RABGAP1L: variants seen among roughly 807,000 people sequenced by gnomAD.
The protein encoded by RABGAP1L is rab GTPase-activating protein 1-like.
Under a neutral mutation model 137.7 loss-of-function variants are expected in RABGAP1L, and 63 were observed. That is an observed-to-expected ratio of 0.46 (90% CI 0.37 to 0.56). RABGAP1L has a LOEUF of 0.56. Ranked by LOEUF, RABGAP1L falls within the 20% of genes least tolerant of loss-of-function variation. The probability of loss-of-function intolerance (pLI) is 0.00; values close to 1 mark genes in which losing one functional copy is unlikely to be tolerated. For synonymous variants in RABGAP1L, 431 were observed against 433.7 expected, an observed-to-expected ratio of 0.99 and a Z score of 0.08; for missense variants, 1,095 against 1,244.0, an observed-to-expected ratio of 0.88 and a Z score of 1.80.
Position 174,467,724 on chromosome 1 carries a change from G to A in RABGAP1L, c.1710+73579G>A, listed in dbSNP as rs550005257. Among the ~76,000 whole-genome samples the A allele has an allele frequency of 5.9e-5, 9 of 152,152 alleles. No individual in the cohort carries two copies. In the South Asian group the frequency reaches 1.7e-3, roughly 28 times the overall value. On this transcript the variant is annotated intron_variant, in intron 13 of 25. Transcript: ENST00000681986. Reference sequence around the variant, plus strand: ...GGTTATCACACTTCTACTAAGTGGCGGAATCTATAGAATTTGAATCCAGCT... The same window carrying A: ...GGTTATCACACTTCTACTAAGTGGCAGAATCTATAGAATTTGAATCCAGCT...
chr1:174,652,735 C>G (rs181848850), intron 14 of RABGAP1L, among the ~76,000 whole-genome samples: 1 of 152,282 alleles, frequency 6.6e-6, no homozygotes, highest in South Asian at 2.1e-4. Context: ...TGTCTGTCGA[C>G]CCCTGCTGGG....
intron 13 of RABGAP1L, among the ~76,000 whole-genome samples, chr1:174,589,672 CA>C (rs1669401852): frequency 6.6e-6 from 1 of 152,156 alleles, no homozygotes; most frequent in African/African-American, 2.4e-5. Context: ...CATTCTTCTG[CA>C]TATGGATTAT....
chr1:174,389,987 A>G (rs1171301894), intron 12 of RABGAP1L, among the ~76,000 whole-genome samples: 2 of 152,200 alleles, frequency 1.3e-5, no homozygotes, highest in African/African-American at 2.4e-5. Flanking sequence ...TATCAAAGCA[A>G]TGGCAATGTG....
chr1:174,432,103 T>C (rs1652706066), intron 13 of RABGAP1L, among the ~76,000 whole-genome samples: 1 of 152,150 alleles, frequency 6.6e-6, no homozygotes. Context: ...TAAGCCTTAC[T>C]TTCCTCTCTC....
chr1:174,956,359 T>TA (rs1412024816), intron 19 of RABGAP1L, among the ~76,000 whole-genome samples: 1 of 152,134 alleles, frequency 6.6e-6, no homozygotes, highest in Non-Finnish European at 1.5e-5. Context: ...CACTGTCCCC[T>TA]AAGAGAGGTT....
chr1:174,552,101 C>T (rs978821202), intron 13 of RABGAP1L, among the ~76,000 whole-genome samples: 1 of 152,206 alleles, frequency 6.6e-6, no homozygotes, highest in African/African-American at 2.4e-5. Flanking sequence ...TGTTTAACAA[C>T]ATTCATTTTA....
At chr1:174,515,113 A>G (rs1025736919) in intron 13 of RABGAP1L, among the ~76,000 whole-genome samples, 2 of 152,160 alleles carry the variant, frequency 1.3e-5, no homozygotes, top group African/African-American at 4.8e-5. Context: ...GCAATTTTCA[A>G]TGCGTTGTTA....
At chr1:174,728,006 A>T (rs1682134879) in intron 17 of RABGAP1L, among the ~76,000 whole-genome samples, 1 of 152,230 alleles carries the variant, frequency 6.6e-6, no homozygotes, top group Admixed American at 6.5e-5. Flanking sequence ...AAATTTTATT[A>T]GTCAGCAGTT....
At chr1:174,634,419 CT>C (rs1362241193) in intron 13 of RABGAP1L, among the ~76,000 whole-genome samples, 5 of 112,494 alleles carry the variant, frequency 4.4e-5, no homozygotes, top group African/African-American at 2.0e-4. Context: ...AATAGGAACA[CT>C]TTTACACTGT....
intron 18 of RABGAP1L, among the ~76,000 whole-genome samples, chr1:174,799,472 A>G (rs1688534252): frequency 1.3e-5 from 2 of 152,178 alleles, no homozygotes; most frequent in South Asian, 4.1e-4. Flanking sequence ...AGAGTGAATA[A>G]AGGTCAGCTG....
chr1:174,519,194 A>T (rs1044372021), intron 13 of RABGAP1L, among the ~76,000 whole-genome samples: 3 of 150,014 alleles, frequency 2.0e-5, no homozygotes, highest in Non-Finnish European at 4.4e-5. Context: ...AAATATATAT[A>T]TATACACACA....
chr1:174,617,360 G>T (rs1432321396), intron 13 of RABGAP1L, among the ~76,000 whole-genome samples: 1 of 152,178 alleles, frequency 6.6e-6, no homozygotes, highest in Non-Finnish European at 1.5e-5. Context: ...TATCAGGAAA[G>T]AAAGTTGTAA....
intron 13 of RABGAP1L, among the ~76,000 whole-genome samples, chr1:174,527,204 G>GTTTTTTTTTT: frequency 8.4e-6 from 1 of 119,656 alleles, no homozygotes; most frequent in Non-Finnish European, 1.7e-5. Flanking sequence ...TTTTTATTTT[G>GTTTTTTTTTT]TTTTTTTTTT....
At chr1:174,972,985 AAATT>A (rs1410817527) in intron 21 of RABGAP1L, among the ~76,000 whole-genome samples, 1 of 152,174 alleles carries the variant, frequency 6.6e-6, no homozygotes, top group Non-Finnish European at 1.5e-5. Flanking sequence ...ATTAACATTA[AAATT>A]AATTCCTACT....
chr1:174,699,432 C>T (rs969049710), intron 15 of RABGAP1L, 93 bp from the exon 16 acceptor site: 1 of 1,199,786 alleles, frequency 8.3e-7, no homozygotes, highest in African/African-American at 1.6e-5. Flanking sequence ...CCTTCAGCTA[C>T]TTATGCAGAG....
intron 19 of RABGAP1L, among the ~76,000 whole-genome samples, chr1:174,895,327 A>G (rs1243497320): frequency 6.6e-6 from 1 of 152,190 alleles, no homozygotes; most frequent in Non-Finnish European, 1.5e-5. Context: ...ATTCCCCTAG[A>G]TAATCTAGAA....
intron 1 of RABGAP1L, among the ~76,000 whole-genome samples, chr1:174,160,343 G>C (rs1425588429): frequency 2.0e-5 from 3 of 152,154 alleles, no homozygotes; most frequent in Non-Finnish European, 2.9e-5. Flanking sequence ...GACTGGGCTA[G>C]TACTTTGCAC....
In RABGAP1L at chr1:174,418,079, C is replaced by T. The variant is rs529998962; in HGVS notation, c.1710+23934C>T. On this transcript the variant is annotated intron_variant, in intron 13 of 25. Transcript: ENST00000681986. ...CTCTCCAGAGGTGAAATTTCAAATGCTGAGGCATGGCTGCACATATGCAGA... is the reference window on the plus strand; with the variant it reads ...CTCTCCAGAGGTGAAATTTCAAATGTTGAGGCATGGCTGCACATATGCAGA... Among the ~76,000 whole-genome samples the T allele has an allele frequency of 6.6e-5, 10 of 152,284 alleles. No homozygotes were observed. The East Asian group carries it at 7.7e-4, about 12-fold the overall frequency.
chr1:174,358,807 C>T (rs1683879543), intron 11 of RABGAP1L, among the ~76,000 whole-genome samples: 1 of 152,168 alleles, frequency 6.6e-6, no homozygotes, highest in Admixed American at 6.6e-5. Context: ...CCTCTCCCTT[C>T]ACTCATTCAG....
Sources: allele counts gnomAD v4.1 joint callset (sites outside exome capture counted in the v4.1 genomes callset), GRCh38; gene constraint gnomAD v4.1.1; transcripts MANE v1.5; gene names NCBI Gene and HGNC (gene_info 2026-07-23, HGNC 2026-07-21).